The following SKP1 variants were observed in gnomAD, a reference collection of about 807,000 sequenced individuals.
SKP1 encodes the protein S-phase kinase-associated protein 1.
In SKP1, 1 loss-of-function variant was observed where a neutral mutation model predicts 21.5. That is an observed-to-expected ratio of 0.05 (90% confidence interval 0.02 to 0.22). The LOEUF is 0.22. SKP1 is among the 10% of genes least tolerant of loss of function. SKP1 has a pLI of 1.00. For missense variants in SKP1, 70 were observed against 192.0 expected, an observed-to-expected ratio of 0.36 and a Z score of 3.76; for synonymous variants, 59 against 59.3, an observed-to-expected ratio of 0.99 and a Z score of 0.03.
intron 4 of SKP1, 51 bp from the exon 5 acceptor site, chr5:134,158,646 A>T (rs1761163036): frequency 6.7e-7 from 1 of 1,498,958 alleles, no homozygotes; most frequent in African/African-American, 1.4e-5. Context: ...TTTTAAACTA[A>T]ATCCAAAGTT....
At chr5:134,175,354 T>G (rs1761519596) in intron 1 of SKP1, 2 of 152,284 alleles carry the variant, frequency 1.3e-5, no homozygotes, top group South Asian at 4.1e-4. Flanking sequence ...CTTCTCCATG[T>G]TGCTTAGCGC....
rs1283678441 is a variant in SKP1, at chr5:134,176,912, G to C, written c.-58C>G. 2 of 152,942 alleles carry C rather than the reference G, an allele frequency of 1.3e-5. No individual in the cohort carries two copies. The highest frequency in any genetic ancestry group is 1.9e-4 in the East Asian group (1 of 5,208). The allele number at this position is 152,942 out of a possible 1,614,324, so 9.5% of individuals were successfully genotyped here. ...GGCTGACGAGAGCCGGGAGGCGTTAGCGAAGGAAGAGAAAAACCGAAGACG... is the reference window on the plus strand; with the variant it reads ...GGCTGACGAGAGCCGGGAGGCGTTACCGAAGGAAGAGAAAAACCGAAGACG... On this transcript the variant is annotated 5_prime_UTR_variant, in exon 1 of 6. Transcript: ENST00000353411.
At position 134,153,678 on chromosome 5, in the gene SKP1, T is replaced by C. The variant is rs748167246; in HGVS notation, c.*4055A>G. On this transcript the variant is annotated 3_prime_UTR_variant, in exon 6 of 6. Transcript: ENST00000353411. ...TCTTTTCTGGTGGAAAATCACCTTA[T>C]ATTCCCAAACTGCCTTATTGAGAGC... 4 of 152,228 alleles carry C rather than the reference T, an allele frequency of 2.6e-5. No individual in the cohort carries two copies. Among genetic ancestry groups the C allele is most frequent in the Non-Finnish European group, 2.9e-5 (2 of 68,042 alleles). The allele number at this position is 152,228 out of a possible 1,614,324, so 9.4% of individuals were successfully genotyped here. A position where few individuals can be genotyped will look rare whatever the true frequency, so the allele number is the denominator to read the frequency against.
chr5:134,170,528 A>G (rs779561153), intron 2 of SKP1, among the ~76,000 whole-genome samples: 1 of 152,184 alleles, frequency 6.6e-6, no homozygotes, highest in Admixed American at 6.5e-5. Context: ...AAAAGGTTTT[A>G]TTTTTGTTTT....
At chr5:134,158,079 A>G in intron 5 of SKP1, 1 of 1,412,894 alleles carries the variant, frequency 7.1e-7, no homozygotes. Context: ...ATTCTGATCT[A>G]TTCTTTCATT....
At chr5:134,169,518 C>T (rs1191906313) in intron 2 of SKP1, among the ~76,000 whole-genome samples, 1 of 152,180 alleles carries the variant, frequency 6.6e-6, no homozygotes, top group Admixed American at 6.5e-5. Flanking sequence ...ATACAGAAGA[C>T]CAGCTTGTTT....
intron 3 of SKP1, chr5:134,161,426 TACA>T: frequency 4.1e-6 from 1 of 242,162 alleles, no homozygotes; most frequent in Non-Finnish European, 7.8e-6. Context: ...CTGCAATATG[TACA>T]ACAATGATTA....
rs774251677 is a variant in SKP1 at position 134,158,479 on chromosome 5, G to A, written c.432C>T (p.Asp144=). 7 of 1,613,966 alleles carry A rather than the reference G, an allele frequency of 4.3e-6. No individual in the cohort carries two copies. Among genetic ancestry groups the A allele is most frequent in the Non-Finnish European group, 5.9e-6 (7 of 1,179,970 alleles). The stretch of plus-strand genomic sequence containing the variant: ...CCTGGGCTTCCTCCTCTTCAGTAAA[G>A]TCATTTTTGATATTGAAGGTCTTGC... ...EIRKTFNIKN[D]FTEEEEAQVR... The change falls in exon 5 of 6, where the codon GAC becomes GAT. Residue 144 remains aspartate, a synonymous_variant. Coordinates refer to ENST00000353411, the MANE Select transcript of SKP1 (RefSeq NM_170679.3).
chr5:134,159,111 G>C (rs767651623), intron 4 of SKP1, among the ~76,000 whole-genome samples: 1 of 152,078 alleles, frequency 6.6e-6, no homozygotes, highest in Non-Finnish European at 1.5e-5. Context: ...TTAGATCACC[G>C]ATTTGAAACT....
rs1414326915 is a variant in SKP1 at position 134,150,124 on chromosome 5, C to T, written c.*7609G>A. On this transcript the variant is annotated 3_prime_UTR_variant, in exon 6 of 6. Transcript: ENST00000353411. The stretch of plus-strand genomic sequence containing the variant: ...CATCCCTCCCCTGGTACAGCTGCTC[C>T]CCATTTTGTTCTCTGTGGATATGGT... 2.0e-5 allele frequency: 3 copies of T among 152,232 alleles called. No individual in the cohort carries two copies. The highest frequency in any genetic ancestry group is 4.4e-5 in the Non-Finnish European group (3 of 68,076). The allele number at this position is 152,232 out of a possible 1,614,324, so 9.4% of individuals were successfully genotyped here. A position where few individuals can be genotyped will look rare whatever the true frequency, so the allele number is the denominator to read the frequency against.
intron 5 of SKP1, 156 bp downstream of exon 5, chr5:134,158,295 TAAAG>T: frequency 6.6e-7 from 1 of 1,514,918 alleles, no homozygotes; most frequent in Admixed American, 2.2e-5. Flanking sequence ...TTCAGATTCA[TAAAG>T]ACAGAACAGT....
In SKP1 at chr5:134,151,614, T is replaced by TA. The variant is rs1192993856; in HGVS notation, c.*6118dup. The TA allele has an allele frequency of 2.2e-6, 1 of 453,720 alleles. No homozygotes were observed. The highest frequency in any genetic ancestry group is 2.0e-5 in the African/African-American group (1 of 50,070). The allele number at this position is 453,720 out of a possible 1,614,324, so 28.1% of individuals were successfully genotyped here. On this transcript the variant is annotated 3_prime_UTR_variant, in exon 6 of 6. Transcript: ENST00000353411. ...ATATAGCAGGTTGAAAATTTGAAGT[T>TA]AAGAGATATCAGAAGGTCTGAATAT...
rs1761027001 is a variant in SKP1 at position 134,150,371 on chromosome 5, G to C, written c.*7362C>G. The C allele has an allele frequency of 6.6e-6, 1 of 152,194 alleles. No homozygotes were observed. The highest frequency in any genetic ancestry group is 6.5e-5 in the Admixed American group (1 of 15,278). 9.4% of individuals were successfully genotyped at this position (152,194 alleles called of 1,614,324 possible). The stretch of plus-strand genomic sequence containing the variant: ...ATAAGCCTGGCCAGGAAGGCCACAA[G>C]TAAAGGGAAGCGGAAGGGTTCTTTA... On this transcript the variant is annotated 3_prime_UTR_variant, in exon 6 of 6. Coordinates refer to ENST00000353411, the MANE Select transcript of SKP1 (RefSeq NM_170679.3).
At position 134,155,047 on chromosome 5, in the gene SKP1, G is replaced by C. The variant is rs879736060; in HGVS notation, c.*2686C>G. 5.3e-5 allele frequency: 8 copies of C among 152,182 alleles called. No individual in the cohort carries two copies. The highest frequency in any genetic ancestry group is 1.2e-4 in the Non-Finnish European group (8 of 68,044). The allele number at this position is 152,182 out of a possible 1,614,324, so 9.4% of individuals were successfully genotyped here. ...AATACAAGTTAAATCCTGCTGTCAA[G>C]TGACTTCCAATGAAGTTCTGGAACT... On this transcript the variant is annotated 3_prime_UTR_variant, in exon 6 of 6. Coordinates refer to ENST00000353411, the MANE Select transcript of SKP1 (RefSeq NM_170679.3).
intron 3 of SKP1, among the ~76,000 whole-genome samples, chr5:134,164,740 G>GT (rs138585608): frequency 0.047 from 7,225 of 152,158 alleles, 488 homozygotes; most frequent in African/African-American, 0.15. Flanking sequence ...ATGAATTAAC[G>GT]TAAGACAAGC....
rs1761119264 is a variant in SKP1 at position 134,156,274 on chromosome 5, A to AT, written c.*1458dup. ...GAGAGAGAGAGAGAGAGAATTTTAA[A>AT]TAACTCTTTACAACGTAAAAACCAT... On this transcript the variant is annotated 3_prime_UTR_variant, in exon 6 of 6. Coordinates refer to ENST00000353411, the MANE Select transcript of SKP1 (RefSeq NM_170679.3). 1 of 151,778 alleles carries AT rather than the reference A, an allele frequency of 6.6e-6. No individual in the cohort carries two copies. The highest frequency in any genetic ancestry group is 2.1e-4 in the South Asian group (1 of 4,812). 9.4% of individuals were successfully genotyped at this position (151,778 alleles called of 1,614,324 possible). A position where few individuals can be genotyped will look rare whatever the true frequency, so the allele number is the denominator to read the frequency against.
rs772238587 is a variant in SKP1, at chr5:134,157,683, A to T, written c.*50T>A. On this transcript the variant is annotated 3_prime_UTR_variant, in exon 6 of 6. Coordinates refer to ENST00000353411, the MANE Select transcript of SKP1 (RefSeq NM_170679.3). ...TAACAATTATAAACAGAGCAGTGCA[A>T]CTAGTATTTGGAACAATCCTTACAG... 15 of 1,402,472 alleles carry T rather than the reference A, an allele frequency of 1.1e-5. No homozygotes were observed. Among genetic ancestry groups the T allele is most frequent in the Non-Finnish European group, 1.5e-5 (15 of 988,208 alleles). The allele number at this position is 1,402,472 out of a possible 1,614,324, so 86.9% of individuals were successfully genotyped here. A position where few individuals can be genotyped will look rare whatever the true frequency, so the allele number is the denominator to read the frequency against.
In SKP1 at chr5:134,156,518, A is replaced by G. The variant is rs1201026724; in HGVS notation, c.*1215T>C. ...ACAACTCAGTGAATGTGAAGAGAAAACAAGATTACATGTGAATATAGATGT... is the reference window on the plus strand; with the variant it reads ...ACAACTCAGTGAATGTGAAGAGAAAGCAAGATTACATGTGAATATAGATGT... On this transcript the variant is annotated 3_prime_UTR_variant, in exon 6 of 6. Transcript: ENST00000353411. 3 of 152,240 alleles carry G rather than the reference A, an allele frequency of 2.0e-5. No homozygotes were observed. Among genetic ancestry groups the G allele is most frequent in the Non-Finnish European group, 4.4e-5 (3 of 68,044 alleles). 9.4% of individuals were successfully genotyped at this position (152,240 alleles called of 1,614,324 possible).
chr5:134,157,093 C>CA lies in SKP1; in HGVS notation c.*639dup, dbSNP rs1199505576. The CA allele has an allele frequency of 1.3e-5, 2 of 152,434 alleles. No individual in the cohort carries two copies. The highest frequency in any genetic ancestry group is 2.4e-5 in the African/African-American group (1 of 41,376). 9.4% of individuals were successfully genotyped at this position (152,434 alleles called of 1,614,324 possible). On this transcript the variant is annotated 3_prime_UTR_variant, in exon 6 of 6. Transcript: ENST00000353411. ...GCTAACTGTCCAGTTACATTTCTCC[C>CA]AAAAAACCACAAACTGGGTAGTAAC...
Sources: allele counts gnomAD v4.1 joint callset (sites outside exome capture counted in the v4.1 genomes callset), GRCh38; gene constraint gnomAD v4.1.1; transcripts MANE v1.5; gene names NCBI Gene and HGNC (gene_info 2026-07-23, HGNC 2026-07-21).